Variants in GABRG3 observed in about 807,000 individuals in gnomAD.
The protein encoded by GABRG3 is gamma-aminobutyric acid type A receptor subunit gamma3.
A neutral mutation model predicts 48.8 loss-of-function variants in GABRG3; 25 were observed. The observed-to-expected ratio is 0.51, with a 90% CI of 0.37 to 0.72. The LOEUF is 0.72. Among genes scored for constraint, GABRG3 ranks in the 30% least tolerant of loss-of-function variants. GABRG3 has a pLI of 0.00. For missense variants in GABRG3, 394 were observed against 577.9 expected (o/e 0.68, Z 3.26); for synonymous variants, 227 against 217.6 (o/e 1.04, Z -0.38).
At chr15:27,510,919 T>C (rs2150858419) in intron 6 of GABRG3, among the ~76,000 whole-genome samples, 1 of 152,286 alleles carries the variant, frequency 6.6e-6, no homozygotes, top group East Asian at 1.9e-4. Flanking sequence ...CTTGCAGTGG[T>C]CATAAAAGTG....
intron 3 of GABRG3, among the ~76,000 whole-genome samples, chr15:27,306,567 TATATGTTTATATATAAA>T (rs1566768330): frequency 1.4e-4 from 6 of 43,004 alleles, no homozygotes; most frequent in Non-Finnish European, 2.8e-4. Flanking sequence ...AATATAAACA[TATATGTTTATATATAAA>T]CATATAATAT....
chr15:27,217,250 G>A (rs1889291022), intron 3 of GABRG3, among the ~76,000 whole-genome samples: 1 of 152,184 alleles, frequency 6.6e-6, no homozygotes, highest in Admixed American at 6.5e-5. Flanking sequence ...ATTCACAATA[G>A]CAAAGACTTG....
chr15:27,185,535 A>G (rs148506088), intron 3 of GABRG3, among the ~76,000 whole-genome samples: 1 of 152,298 alleles, frequency 6.6e-6, no homozygotes, highest in Admixed American at 6.5e-5. Context: ...AGTTTTCGGT[A>G]TATGTCAATT....
chr15:27,280,530 T>G (rs1891399674), intron 3 of GABRG3: 1 of 152,250 alleles, frequency 6.6e-6, no homozygotes, highest in Non-Finnish European at 1.5e-5. Flanking sequence ...TTTTTATGTT[T>G]TATATTTATT....
intron 3 of GABRG3, among the ~76,000 whole-genome samples, chr15:27,101,192 CAT>C (rs757599357): frequency 2.6e-5 from 4 of 152,120 alleles, no homozygotes; most frequent in Non-Finnish European, 4.4e-5. Flanking sequence ...AAATTAAAAA[CAT>C]AATAGTTTTT....
chr15:27,436,486 G>A (rs770018278), intron 5 of GABRG3, among the ~76,000 whole-genome samples: 19 of 152,184 alleles, frequency 1.2e-4, no homozygotes, highest in Admixed American at 2.6e-4. Flanking sequence ...CTTCAACACC[G>A]GACATGTACA....
chr15:27,191,322 G>A (rs1888294992), intron 3 of GABRG3, among the ~76,000 whole-genome samples: 2 of 152,020 alleles, frequency 1.3e-5, no homozygotes. Flanking sequence ...TTGACAGTGG[G>A]GTGTTAAAGT....
chr15:27,235,272 A>T (rs1889923141), intron 3 of GABRG3, among the ~76,000 whole-genome samples: 1 of 152,192 alleles, frequency 6.6e-6, no homozygotes, highest in Admixed American at 6.5e-5. Flanking sequence ...TGCACAGAAG[A>T]TGGTTTGTTC....
Position 27,326,952 on chromosome 15 carries a change from C to T in GABRG3, c.414C>T (p.Thr138=), listed in dbSNP as rs181418357. 64 of 1,613,986 alleles carry T rather than the reference C, an allele frequency of 4.0e-5. 1 individual carries two copies. The highest frequency in any genetic ancestry group is 3.3e-4 in the South Asian group (30 of 91,080). ...IPDTIFRNSK[T]AEAHWITTPN... ...ACACCATCTTCCGCAATTCTAAAAC[C>T]GCAGAGGCTCACTGGATCACCACAC... is the stretch of plus-strand genomic sequence containing the variant. Residue 138 remains threonine (T), a synonymous_variant, in exon 4 of 10, where the codon ACC becomes ACT. Transcript: ENST00000615808.
chr15:27,461,788 C>A lies in GABRG3; in HGVS notation c.575-18862C>A, dbSNP rs889034793. 2.6e-5 allele frequency among the ~76,000 whole-genome samples: 4 copies of A among 152,258 alleles called. No individual in the cohort carries two copies. In the South Asian group the frequency reaches 8.3e-4, roughly 32 times the overall value. ...GCCAAGTCCCCGCCAGACCCATAAGCCCAGCGGGCTTCAATTCTCACCATG... is the reference window on the plus strand; with the variant it reads ...GCCAAGTCCCCGCCAGACCCATAAGACCAGCGGGCTTCAATTCTCACCATG... On this transcript the variant is annotated intron_variant, in intron 5 of 9. Transcript: ENST00000615808.
At position 27,324,586 on chromosome 15, in the gene GABRG3, C is replaced by T. The variant is rs555847870; in HGVS notation, c.271-2223C>T. On this transcript the variant is annotated intron_variant, in intron 3 of 9. Coordinates refer to ENST00000615808, the MANE Select transcript of GABRG3 (RefSeq NM_033223.5). ...CCTTTGGGGTCCAAGCAGAGGCTGC[C>T]ATTTGCCCATGAAAGACAGGCAGGC... Among the ~76,000 whole-genome samples, 187 of 152,318 alleles carry T rather than the reference C, an allele frequency of 1.2e-3. 2 individuals are homozygous for T. Among genetic ancestry groups the T allele is most frequent in the African/African-American group, 4.2e-3 (174 of 41,562 alleles).
At chr15:27,342,809 A>G (rs941898832) in intron 5 of GABRG3, among the ~76,000 whole-genome samples, 1 of 152,182 alleles carries the variant, frequency 6.6e-6, no homozygotes, top group Non-Finnish European at 1.5e-5. Flanking sequence ...TTCTACCTGG[A>G]CCAGGGGCTC....
At chr15:27,094,636 C>A (rs887932656) in intron 3 of GABRG3, among the ~76,000 whole-genome samples, 1 of 152,078 alleles carries the variant, frequency 6.6e-6, no homozygotes, top group African/African-American at 2.4e-5. Flanking sequence ...TGGAATTGGG[C>A]CTGAGAGCAT....
At chr15:27,186,015 C>CTTT (rs10580180) in intron 3 of GABRG3, among the ~76,000 whole-genome samples, 1 of 131,306 alleles carries the variant, frequency 7.6e-6, no homozygotes, top group African/African-American at 2.8e-5. Flanking sequence ...GTATTTAAAT[C>CTTT]TTTTTTTTTT....
chr15:27,082,566 G>T (rs1282948352), intron 3 of GABRG3, among the ~76,000 whole-genome samples: 1 of 152,176 alleles, frequency 6.6e-6, no homozygotes, highest in Non-Finnish European at 1.5e-5. Context: ...TTGGGCAAGG[G>T]TTGGGTCTGC....
At chr15:27,196,997 T>A (rs1241719186) in intron 3 of GABRG3, among the ~76,000 whole-genome samples, 2 of 152,216 alleles carry the variant, frequency 1.3e-5, no homozygotes, top group Non-Finnish European at 1.5e-5. Flanking sequence ...ACAGCTCTAT[T>A]AAGTAATAAA....
At chr15:27,509,305 A>T (rs1161349542) in intron 6 of GABRG3, among the ~76,000 whole-genome samples, 1 of 151,380 alleles carries the variant, frequency 6.6e-6, no homozygotes, top group Non-Finnish European at 1.5e-5. Flanking sequence ...TTTTAATATG[A>T]TATATGTAGT....
intron 3 of GABRG3, among the ~76,000 whole-genome samples, chr15:27,098,459 CA>C (rs1897302758): frequency 1.3e-5 from 2 of 151,992 alleles, no homozygotes; most frequent in Admixed American, 6.6e-5. Flanking sequence ...CAAAAATACA[CA>C]AAAAAACTGA....
intron 5 of GABRG3, among the ~76,000 whole-genome samples, chr15:27,394,442 G>T (rs1164817233): frequency 6.6e-6 from 1 of 151,728 alleles, no homozygotes; most frequent in Non-Finnish European, 1.5e-5. Context: ...ATAACTTTTG[G>T]TTTATTCAGT....
Sources: allele counts gnomAD v4.1 joint callset (sites outside exome capture counted in the v4.1 genomes callset), GRCh38; gene constraint gnomAD v4.1.1; transcripts MANE v1.5; gene names NCBI Gene and HGNC (gene_info 2026-07-23, HGNC 2026-07-21).